The following MAGI2 variants were observed in gnomAD, a reference collection of about 807,000 sequenced individuals.
MAGI2 encodes the protein membrane-associated guanylate kinase, WW and PDZ domain-containing protein 2.
In MAGI2, 35 loss-of-function variants were observed where a neutral mutation model predicts 133.3. The ratio of observed to expected loss-of-function variants is 0.26; its 90% CI spans 0.20 to 0.35. The LOEUF is 0.35. Among genes scored for constraint, MAGI2 ranks in the 10% least tolerant of loss-of-function variants. The pLI is 1.00. For missense variants in MAGI2, 1,636 were observed against 1,863.4 expected (o/e 0.88, Z 2.25); for synonymous variants, 729 against 710.6 (o/e 1.03, Z -0.41).
chr7:78,414,251 A>G (rs1798103710), intron 6 of MAGI2, among the ~76,000 whole-genome samples: 1 of 152,046 alleles, frequency 6.6e-6, no homozygotes, highest in Non-Finnish European at 1.5e-5. Flanking sequence ...ATTGCACGAA[A>G]TATTTAGTGG....
chr7:78,745,703 A>G (rs1280229711), intron 2 of MAGI2, among the ~76,000 whole-genome samples: 1 of 152,188 alleles, frequency 6.6e-6, no homozygotes, highest in Non-Finnish European at 1.5e-5. Flanking sequence ...TGCCCATTTA[A>G]TTAAAGATAT....
At chr7:78,787,341 A>G (rs929911850) in intron 2 of MAGI2, among the ~76,000 whole-genome samples, 1 of 152,142 alleles carries the variant, frequency 6.6e-6, no homozygotes, top group Non-Finnish European at 1.5e-5. Context: ...TATGGAGGCC[A>G]TTTTTTGGAA....
At chr7:78,299,908 T>C (rs1189633923) in intron 9 of MAGI2, among the ~76,000 whole-genome samples, 1 of 152,234 alleles carries the variant, frequency 6.6e-6, no homozygotes, top group East Asian at 1.9e-4. Context: ...CAAAAAAGTA[T>C]GGAAACTGCA....
At chr7:79,015,528 C>G (rs575472080) in intron 1 of MAGI2, among the ~76,000 whole-genome samples, 2 of 152,272 alleles carry the variant, frequency 1.3e-5, no homozygotes, top group South Asian at 4.1e-4. Flanking sequence ...AATTCCCTGG[C>G]AAATCTCATT....
chr7:78,467,216 C>T (rs1406647466), intron 6 of MAGI2, among the ~76,000 whole-genome samples: 2 of 152,022 alleles, frequency 1.3e-5, no homozygotes, highest in Non-Finnish European at 1.5e-5. Context: ...AGTTTACATT[C>T]GTTAAATTTT....
At chr7:79,090,020 C>T (rs1816912217) in intron 1 of MAGI2, among the ~76,000 whole-genome samples, 1 of 151,856 alleles carries the variant, frequency 6.6e-6, no homozygotes, top group Non-Finnish European at 1.5e-5. Context: ...AAGAAAATTA[C>T]ATCTACATAA....
intron 2 of MAGI2, among the ~76,000 whole-genome samples, chr7:78,923,222 C>A (rs191442286): frequency 6.6e-6 from 1 of 152,124 alleles, no homozygotes; most frequent in South Asian, 2.1e-4. Flanking sequence ...TCAATTTTGG[C>A]TTTTGTTGCC....
intron 3 of MAGI2, among the ~76,000 whole-genome samples, chr7:78,586,796 A>G (rs1192194352): frequency 1.3e-5 from 2 of 152,098 alleles, no homozygotes; most frequent in African/African-American, 4.8e-5. Context: ...TGACCACTCT[A>G]CGTAGTTGAC....
At chr7:78,267,772 A>C (rs1794161587) in intron 9 of MAGI2, among the ~76,000 whole-genome samples, 1 of 152,214 alleles carries the variant, frequency 6.6e-6, no homozygotes, top group Non-Finnish European at 1.5e-5. Context: ...CACTGCACAC[A>C]GATTCTTAAG....
chr7:79,135,993 A>C (rs1313483631), intron 1 of MAGI2, among the ~76,000 whole-genome samples: 2 of 49,598 alleles, frequency 4.0e-5, no homozygotes, highest in African/African-American at 1.0e-4. Flanking sequence ...GAAAGAAAGA[A>C]AGAAAGAAAG....
intron 2 of MAGI2, among the ~76,000 whole-genome samples, chr7:78,700,548 C>CTTTTACTA (rs1374335761): frequency 2.0e-5 from 3 of 152,090 alleles, no homozygotes; most frequent in African/African-American, 4.8e-5. Flanking sequence ...GTCCATCTGA[C>CTTTTACTA]AGTGTTTAAA....
intron 1 of MAGI2, among the ~76,000 whole-genome samples, chr7:79,175,814 G>A (rs1300453779): frequency 6.6e-6 from 1 of 151,984 alleles, no homozygotes; most frequent in Admixed American, 6.6e-5. Flanking sequence ...ATAATCTTAT[G>A]AGACCACTGT....
At chr7:78,941,741 C>CACAG (rs1800999744) in intron 2 of MAGI2, among the ~76,000 whole-genome samples, 1 of 84,496 alleles carries the variant, frequency 1.2e-5, no homozygotes, top group African/African-American at 4.5e-5. Context: ...CACACACACA[C>CACAG]ACACACACAC....
intron 4 of MAGI2, chr7:78,518,269 T>C (rs1206905595): frequency 1.3e-5 from 2 of 152,180 alleles, no homozygotes; most frequent in Non-Finnish European, 2.9e-5. Flanking sequence ...ACAGGTAAAA[T>C]AGTGGTTATA....
At chr7:79,146,807 G>A (rs1822682365) in intron 1 of MAGI2, among the ~76,000 whole-genome samples, 1 of 152,206 alleles carries the variant, frequency 6.6e-6, no homozygotes, top group African/African-American at 2.4e-5. Flanking sequence ...TATTGGCAGT[G>A]TGAGAACAGG....
At chr7:78,788,084 G>A (rs1010909517) in intron 2 of MAGI2, among the ~76,000 whole-genome samples, 1 of 152,180 alleles carries the variant, frequency 6.6e-6, no homozygotes, top group African/African-American at 2.4e-5. Flanking sequence ...GGATGAGCTT[G>A]TGCAAAGCAG....
At chr7:78,279,563 C>T (rs1373060885) in intron 9 of MAGI2, among the ~76,000 whole-genome samples, 2 of 152,108 alleles carry the variant, frequency 1.3e-5, no homozygotes, top group South Asian at 4.1e-4. Context: ...TTAGCTGCAG[C>T]TAGGAAATAA....
At chr7:78,286,472 G>C (rs1796151567) in intron 9 of MAGI2, among the ~76,000 whole-genome samples, 3 of 152,134 alleles carry the variant, frequency 2.0e-5, no homozygotes, top group Admixed American at 6.6e-5. Context: ...TAGAAGAATT[G>C]ATACGTGACC....
At chr7:78,109,325 A>G (rs1819092511) in intron 20 of MAGI2, among the ~76,000 whole-genome samples, 1 of 139,362 alleles carries the variant, frequency 7.2e-6, no homozygotes, top group Admixed American at 7.4e-5. Context: ...AAAAAAAAAA[A>G]AAAAAAAAAG....
Sources: gnomAD v4.1 joint callset for allele counts (sites outside exome capture counted in the v4.1 genomes callset) on GRCh38, gnomAD v4.1.1 for gene constraint, MANE v1.5 for transcripts, NCBI Gene and HGNC (gene_info 2026-07-23, HGNC 2026-07-21) for gene names.